The following GABRA3 variants were observed in gnomAD, a reference collection of about 807,000 sequenced individuals.
GABRA3 encodes the protein gamma-aminobutyric acid receptor subunit alpha-3.
In GABRA3, 10 loss-of-function variants were observed where a neutral mutation model predicts 30.1. The ratio of observed to expected loss-of-function variants is 0.33; its 90% CI spans 0.20 to 0.56. The LOEUF (loss-of-function observed/expected upper bound fraction) is 0.56. Among genes scored for constraint, GABRA3 ranks in the 20% least tolerant of loss-of-function variants. GABRA3 has a pLI of 0.89. For synonymous variants in GABRA3, 151 were observed against 146.8 expected, an observed-to-expected ratio of 1.03 and a Z score of -0.21; for missense variants, 233 against 392.0, an observed-to-expected ratio of 0.59 and a Z score of 3.42.
chrX:152,304,179 C>G (rs1476605356), intron 3 of GABRA3, among the ~76,000 whole-genome samples: 1 of 109,728 alleles, frequency 9.1e-6, no homozygotes, highest in Non-Finnish European at 1.9e-5. Context: ...TATTTAAGTT[C>G]CTTATAGCAT....
At chrX:152,191,025 AG>A (rs1937318598) in intron 8 of GABRA3, among the ~76,000 whole-genome samples, 1 of 109,347 alleles carries the variant, frequency 9.1e-6, no homozygotes, top group East Asian at 2.9e-4. Context: ...CATGTGTAAA[AG>A]GGGGGTAATA....
intron 3 of GABRA3, among the ~76,000 whole-genome samples, chrX:152,325,405 G>A (rs1195658948): frequency 9.0e-6 from 1 of 111,472 alleles, no homozygotes; most frequent in Non-Finnish European, 1.9e-5. Flanking sequence ...TCCTCAAGTG[G>A]GTCCCTGACC....
At chrX:152,380,044 T>C (rs1400041002) in intron 1 of GABRA3, among the ~76,000 whole-genome samples, 2 of 111,649 alleles carry the variant, frequency 1.8e-5, no homozygotes, top group Admixed American at 9.5e-5. Flanking sequence ...TACATATACA[T>C]GTGGAATGAT....
At chrX:152,257,757 C>T (rs1156236880) in intron 4 of GABRA3, among the ~76,000 whole-genome samples, 1 of 112,264 alleles carries the variant, frequency 8.9e-6, no homozygotes, top group African/African-American at 3.2e-5. Flanking sequence ...ATCAACTTAA[C>T]TAGACAAAAT....
At position 152,172,850 on chromosome X, in the gene GABRA3, T is replaced by C. The variant is rs991092304; in HGVS notation, c.1144-4287A>G. On this transcript the variant is annotated intron_variant, in intron 9 of 9. Coordinates refer to ENST00000370314, the MANE Select transcript of GABRA3 (RefSeq NM_000808.4). ...AATACAGAGGTCCAGTTTTGCAAGA[T>C]GAAAAGGGTTCAGGAGACTGCACAG... is the stretch of plus-strand genomic sequence containing the variant. Among the ~76,000 whole-genome samples, 3 of 110,446 alleles carry C rather than the reference T, an allele frequency of 2.7e-5. No homozygotes were observed. In the Admixed American group the frequency reaches 2.9e-4, roughly 11 times the overall value.
At chrX:152,361,807 A>C (rs1928515100) in intron 2 of GABRA3, among the ~76,000 whole-genome samples, 1 of 111,324 alleles carries the variant, frequency 9.0e-6, no homozygotes, top group African/African-American at 3.3e-5. Flanking sequence ...GATGACCAAA[A>C]GTCACAAAGA....
At chrX:152,364,313 T>C (rs1026000958) in intron 2 of GABRA3, 118 bp downstream of exon 2, 1 of 617,211 alleles carries the variant, frequency 1.6e-6, no homozygotes, top group African/African-American at 2.3e-5. Flanking sequence ...TATAATGTAA[T>C]GTATAAGTAT....
intron 5 of GABRA3, among the ~76,000 whole-genome samples, chrX:152,238,889 T>C (rs1603222014): frequency 9.0e-6 from 1 of 111,611 alleles, no homozygotes; most frequent in South Asian, 3.8e-4. Context: ...TCTCTTTTTT[T>C]CTTCATTAGC....
At chrX:152,292,489 G>C (rs937698265) in intron 3 of GABRA3, among the ~76,000 whole-genome samples, 2 of 110,969 alleles carry the variant, frequency 1.8e-5, no homozygotes, top group Non-Finnish European at 3.8e-5. Context: ...GATCTTTTCA[G>C]AAATCGAGCT....
intron 3 of GABRA3, among the ~76,000 whole-genome samples, chrX:152,320,418 C>T (rs1279510298): frequency 1.8e-5 from 2 of 111,812 alleles, no homozygotes; most frequent in Non-Finnish European, 3.8e-5. Flanking sequence ...TAATGGCATT[C>T]TCAACAACCT....
chrX:152,318,409 G>T (rs1157107628), intron 3 of GABRA3, among the ~76,000 whole-genome samples: 1 of 111,421 alleles, frequency 9.0e-6, no homozygotes, highest in African/African-American at 3.3e-5. Context: ...AAGTAGAATT[G>T]GTACCAATCC....
chrX:152,220,043 C>A (rs918850319), intron 6 of GABRA3, among the ~76,000 whole-genome samples: 2 of 111,446 alleles, frequency 1.8e-5, no homozygotes, highest in African/African-American at 6.5e-5. Flanking sequence ...ACCACTCTTT[C>A]TGAATACTTC....
chrX:152,384,675 G>A (rs1012001597), intron 1 of GABRA3, among the ~76,000 whole-genome samples: 7 of 112,173 alleles, frequency 6.2e-5, no homozygotes, highest in Non-Finnish European at 1.1e-4. Context: ...CAATAGAAAT[G>A]AACTTCTTCA....
intron 1 of GABRA3, among the ~76,000 whole-genome samples, chrX:152,382,117 A>C (rs901053309): frequency 1.8e-5 from 2 of 112,343 alleles, no homozygotes; most frequent in Non-Finnish European, 3.7e-5. Context: ...AAGTGGGCAA[A>C]GGATATTAAC....
intron 6 of GABRA3, among the ~76,000 whole-genome samples, chrX:152,213,234 C>T: frequency 8.9e-6 from 1 of 111,912 alleles, no homozygotes; most frequent in East Asian, 2.8e-4. Context: ...TCAGAAACCA[C>T]TTGCTTAATT....
intron 3 of GABRA3, among the ~76,000 whole-genome samples, chrX:152,305,364 A>G (rs1241095232): frequency 9.1e-6 from 1 of 109,919 alleles, no homozygotes; most frequent in Non-Finnish European, 1.9e-5. Context: ...AAACCTCAGC[A>G]TCACACAATA....
chrX:152,373,231 A>T (rs2124501851), intron 1 of GABRA3, among the ~76,000 whole-genome samples: 1 of 111,890 alleles, frequency 8.9e-6, no homozygotes, highest in Non-Finnish European at 1.9e-5. Context: ...AGATCAACCC[A>T]TCACCTAAGT....
chrX:152,431,591 A>C (rs1265889685), intron 1 of GABRA3, among the ~76,000 whole-genome samples: 2 of 112,365 alleles, frequency 1.8e-5, no homozygotes, highest in African/African-American at 6.5e-5. Flanking sequence ...GCTACTGGAC[A>C]AAAAGTGATT....
At chrX:152,308,208 C>A (rs1394485217) in intron 3 of GABRA3, among the ~76,000 whole-genome samples, 1 of 112,573 alleles carries the variant, frequency 8.9e-6, no homozygotes, top group African/African-American at 3.2e-5. Flanking sequence ...TACTGGCAGA[C>A]CCTGCCTAGC....
Sources: gnomAD v4.1 joint callset for allele counts (sites outside exome capture counted in the v4.1 genomes callset) on GRCh38, gnomAD v4.1.1 for gene constraint, MANE v1.5 for transcripts, NCBI Gene and HGNC (gene_info 2026-07-23, HGNC 2026-07-21) for gene names.